Variants in KCNH1 observed in about 807,000 individuals in gnomAD.
The protein encoded by KCNH1 is voltage-gated delayed rectifier potassium channel KCNH1.
A neutral mutation model predicts 69.2 loss-of-function variants in KCNH1; 27 were observed. The ratio of observed to expected loss-of-function variants is 0.39; its 90% CI spans 0.29 to 0.54. KCNH1 has a LOEUF of 0.54. Among genes scored for constraint, KCNH1 ranks in the 20% least tolerant of loss-of-function variants. KCNH1 has a pLI of 0.68. For missense variants in KCNH1, 798 were observed against 1,261.6 expected, an observed-to-expected ratio of 0.63 and a Z score of 5.57; for synonymous variants, 456 against 487.7, an observed-to-expected ratio of 0.93 and a Z score of 0.86.
At chr1:210,843,405 G>A (rs1238248352) in intron 7 of KCNH1, among the ~76,000 whole-genome samples, 1 of 152,166 alleles carries the variant, frequency 6.6e-6, no homozygotes, top group African/African-American at 2.4e-5. Flanking sequence ...TCTTCAGAAG[G>A]TGGAAGAAGC....
intron 6 of KCNH1, among the ~76,000 whole-genome samples, chr1:210,990,839 A>G (rs1014760557): frequency 1.3e-5 from 2 of 152,180 alleles, no homozygotes; most frequent in African/African-American, 4.8e-5. Context: ...TCAAAATGAA[A>G]TTGCATATGG....
In KCNH1 at chr1:210,712,284, CAT is replaced by C. The variant is rs1422333307; in HGVS notation, c.2113-28148_2113-28147del. On this transcript the variant is annotated intron_variant, in intron 10 of 10. Coordinates refer to ENST00000271751, the MANE Select transcript of KCNH1 (RefSeq NM_172362.3). ...AAAAATAATACTTCTATGAACTAAA[CAT>C]AAAACAAGGCAAGGGTCATTGAGCC... 1.4e-4 allele frequency among the ~76,000 whole-genome samples: 21 copies of C among 152,186 alleles called. 1 individual carries two copies. The highest frequency in any genetic ancestry group is 1.4e-3 in the Admixed American group (21 of 15,278).
intron 10 of KCNH1, among the ~76,000 whole-genome samples, chr1:210,715,310 G>A (rs1249352666): frequency 6.6e-6 from 1 of 152,146 alleles, no homozygotes; most frequent in Non-Finnish European, 1.5e-5. Context: ...GAGGGACAAG[G>A]AGCCCAGTTC....
intron 7 of KCNH1, among the ~76,000 whole-genome samples, chr1:210,894,433 A>C (rs1686818165): frequency 6.6e-6 from 1 of 152,230 alleles, no homozygotes; most frequent in Admixed American, 6.5e-5. Context: ...GTTTTTTAAT[A>C]ATCCTTTTGG....
Position 211,111,693 on chromosome 1 carries a change from C to T in KCNH1, c.80-4316G>A, listed in dbSNP as rs142097300. Among the ~76,000 whole-genome samples, 611 of 147,014 alleles carry T rather than the reference C, an allele frequency of 4.2e-3. 2 individuals carry two copies. The highest frequency in any genetic ancestry group is 0.013 in the Middle Eastern group (3 of 232). On this transcript the variant is annotated intron_variant, in intron 1 of 10. Transcript: ENST00000271751. Reference sequence around the variant, plus strand: ...GCTGCACTGTCTGGGAAGTGAAGAACGCCTCTGCCCGCCCTCCCCCACCCC... The same window carrying T: ...GCTGCACTGTCTGGGAAGTGAAGAATGCCTCTGCCCGCCCTCCCCCACCCC...
intron 6 of KCNH1, among the ~76,000 whole-genome samples, chr1:210,944,194 C>T (rs1687920056): frequency 6.6e-6 from 1 of 152,208 alleles, no homozygotes. Flanking sequence ...CATATCAATT[C>T]ATAAGGGTGT....
At chr1:210,811,290 A>G (rs959348266) in intron 7 of KCNH1, among the ~76,000 whole-genome samples, 2 of 152,212 alleles carry the variant, frequency 1.3e-5, no homozygotes, top group African/African-American at 2.4e-5. Flanking sequence ...GCAAATTTTT[A>G]ACTGGCCTCC....
chr1:210,979,423 A>C (rs929455019), intron 6 of KCNH1, among the ~76,000 whole-genome samples: 57 of 152,276 alleles, frequency 3.7e-4, no homozygotes, highest in African/African-American at 1.3e-3. Flanking sequence ...TGCCAACCTC[A>C]CTGAGCCATA....
chr1:211,002,338 G>GTATATA (rs112118983), intron 6 of KCNH1, among the ~76,000 whole-genome samples: 1 of 87,820 alleles, frequency 1.1e-5, no homozygotes, highest in African/African-American at 6.2e-5. Flanking sequence ...GTGTGTGTGT[G>GTATATA]TATATATATA....
intron 5 of KCNH1, among the ~76,000 whole-genome samples, chr1:211,025,984 C>T (rs1364714894): frequency 1.3e-5 from 2 of 152,164 alleles, no homozygotes; most frequent in Non-Finnish European, 2.9e-5. Flanking sequence ...CCTTTGCAGC[C>T]TCCATAACTA....
At chr1:210,718,137 A>G (rs955446662) in intron 10 of KCNH1, among the ~76,000 whole-genome samples, 29 of 144,766 alleles carry the variant, frequency 2.0e-4, no homozygotes, top group Non-Finnish European at 4.0e-4. Context: ...AAAAACAAGG[A>G]AAAAAATAGG....
intron 7 of KCNH1, among the ~76,000 whole-genome samples, chr1:210,855,052 A>G (rs1685802026): frequency 6.6e-6 from 1 of 152,158 alleles, no homozygotes; most frequent in East Asian, 1.9e-4. Flanking sequence ...ACCTGCATAC[A>G]AATGTTTAGT....
In KCNH1 at chr1:210,803,883, G is replaced by C. The variant is rs1479069305; in HGVS notation, c.1662+84C>G. 7 of 1,208,414 alleles carry C rather than the reference G, an allele frequency of 5.8e-6. No individual in the cohort carries two copies. In the East Asian group the frequency reaches 1.4e-4, roughly 24 times the overall value. 74.9% of individuals were successfully genotyped at this position (1,208,414 alleles called of 1,614,324 possible). A position where few individuals can be genotyped will look rare whatever the true frequency, so the allele number is the denominator to read the frequency against. ...GTGAATTCTGAGCACAGCCAGGTTT[G>C]ACATCCACTGTCTTAGGCAAGCCTC... is the stretch of plus-strand genomic sequence containing the variant. On this transcript the variant is annotated intron_variant, in intron 8 of 10. Coordinates refer to ENST00000271751, the MANE Select transcript of KCNH1 (RefSeq NM_172362.3).
chr1:210,940,531 T>G (rs1687858572), intron 6 of KCNH1, among the ~76,000 whole-genome samples: 2 of 152,220 alleles, frequency 1.3e-5, no homozygotes, highest in South Asian at 4.1e-4. Context: ...AATCCAATAA[T>G]GTACCCAAAA....
rs1690879545 is a variant in KCNH1 at position 211,082,695 on chromosome 1, A to T, written c.558+85T>A. The T allele has an allele frequency of 8.4e-6, 9 of 1,070,488 alleles. No homozygotes were observed. The South Asian group carries it at 1.3e-4, about 16-fold the overall frequency. The allele number at this position is 1,070,488 out of a possible 1,614,324, so 66.3% of individuals were successfully genotyped here. On this transcript the variant is annotated intron_variant, in intron 5 of 10. Coordinates refer to ENST00000271751, the MANE Select transcript of KCNH1 (RefSeq NM_172362.3). The stretch of plus-strand genomic sequence containing the variant: ...GGGGGTCCTGAAGGTCCTCTCCATG[A>T]TTAGCACACTAGTTTTGTGCCATTG...
At chr1:211,009,035 G>A (rs1689343190) in intron 6 of KCNH1, among the ~76,000 whole-genome samples, 1 of 152,124 alleles carries the variant, frequency 6.6e-6, no homozygotes, top group Admixed American at 6.5e-5. Flanking sequence ...CCAGGCAGAG[G>A]GAACAGCAAG....
chr1:210,968,623 G>C (rs866997045), intron 6 of KCNH1, among the ~76,000 whole-genome samples: 3 of 151,716 alleles, frequency 2.0e-5, no homozygotes, highest in South Asian at 4.2e-4. Context: ...GGCCAGTGAT[G>C]ATGAGCATTT....
intron 10 of KCNH1, among the ~76,000 whole-genome samples, chr1:210,710,027 T>C (rs1682027809): frequency 1.3e-5 from 2 of 152,216 alleles, no homozygotes; most frequent in African/African-American, 4.8e-5. Context: ...AATTTTGTCA[T>C]TGTGTGAACA....
At chr1:210,685,393 G>A (rs1281356851) in intron 10 of KCNH1, among the ~76,000 whole-genome samples, 1 of 152,206 alleles carries the variant, frequency 6.6e-6, no homozygotes, top group Non-Finnish European at 1.5e-5. Flanking sequence ...AAAACTCTGT[G>A]CCCTGGGCAG....
Sources: allele counts gnomAD v4.1 joint callset (sites outside exome capture counted in the v4.1 genomes callset), GRCh38; gene constraint gnomAD v4.1.1; transcripts MANE v1.5; gene names NCBI Gene and HGNC (gene_info 2026-07-23, HGNC 2026-07-21).